The following FAM13B variants were observed in gnomAD, a reference collection of about 807,000 sequenced individuals.
FAM13B encodes family with sequence similarity 13 member B.
Under a neutral mutation model 117.3 loss-of-function variants are expected in FAM13B, and 60 were observed. That is an observed-to-expected ratio of 0.51 (90% confidence interval 0.42 to 0.63). The LOEUF (loss-of-function observed/expected upper bound fraction) is 0.63. FAM13B is among the 30% of genes least tolerant of loss of function. The pLI is 0.00. For missense variants in FAM13B, 972 were observed against 1,091.9 expected, an observed-to-expected ratio of 0.89 and a Z score of 1.55; for synonymous variants, 332 against 356.1, an observed-to-expected ratio of 0.93 and a Z score of 0.76.
intron 10 of FAM13B, among the ~76,000 whole-genome samples, chr5:137,979,868 A>G (rs1232466621): frequency 1.3e-5 from 2 of 152,154 alleles, no homozygotes; most frequent in Non-Finnish European, 2.9e-5. Flanking sequence ...CAAGTCATTG[A>G]AAACTTAAAT....
chr5:137,963,359 G>A (rs1178101282), intron 10 of FAM13B, among the ~76,000 whole-genome samples: 4 of 152,200 alleles, frequency 2.6e-5, no homozygotes, highest in African/African-American at 9.6e-5. Flanking sequence ...GTAAAACAAT[G>A]CCACTCCTCA....
intron 23 of FAM13B, among the ~76,000 whole-genome samples, chr5:137,941,026 C>G (rs1017931459): frequency 2.0e-5 from 3 of 152,180 alleles, no homozygotes; most frequent in Non-Finnish European, 4.4e-5. Context: ...CTGCCTCAGC[C>G]TCTAGAGTAG....
chr5:138,002,561 C>T (rs1781520273), intron 7 of FAM13B, among the ~76,000 whole-genome samples: 1 of 152,010 alleles, frequency 6.6e-6, no homozygotes, highest in Non-Finnish European at 1.5e-5. Context: ...AACAGATATC[C>T]TTGTTTAGCA....
At chr5:137,963,694 C>G (rs562100862) in intron 10 of FAM13B, among the ~76,000 whole-genome samples, 22 of 152,216 alleles carry the variant, frequency 1.4e-4, no homozygotes, top group African/African-American at 3.9e-4. Context: ...CCAGGCCACA[C>G]AGCAGGAGGT....
chr5:137,966,373 G>A (rs1315956308), intron 10 of FAM13B, among the ~76,000 whole-genome samples: 1 of 150,158 alleles, frequency 6.7e-6, no homozygotes, highest in Non-Finnish European at 1.5e-5. Context: ...GGAGGCGGAG[G>A]TTGCAGTGAG....
intron 10 of FAM13B, among the ~76,000 whole-genome samples, chr5:137,972,784 AC>A (rs1296671439): frequency 6.6e-6 from 1 of 152,182 alleles, no homozygotes; most frequent in Non-Finnish European, 1.5e-5. Flanking sequence ...AAATCAATGT[AC>A]AAAAATCACA....
chr5:137,965,887 G>A (rs902899240), intron 10 of FAM13B, among the ~76,000 whole-genome samples: 2 of 152,102 alleles, frequency 1.3e-5, no homozygotes, highest in Admixed American at 6.6e-5. Flanking sequence ...ACCCTGAAAT[G>A]AATGGATTTT....
intron 6 of FAM13B, among the ~76,000 whole-genome samples, chr5:138,008,870 C>T (rs987515144): frequency 6.6e-6 from 1 of 152,204 alleles, no homozygotes; most frequent in East Asian, 1.9e-4. Flanking sequence ...AGGCCAGGCG[C>T]GGTGGCCCAT....
At chr5:138,043,305 G>A (rs1242554427) in intron 1 of FAM13B, among the ~76,000 whole-genome samples, 2 of 152,126 alleles carry the variant, frequency 1.3e-5, no homozygotes, top group African/African-American at 4.8e-5. Flanking sequence ...CAAAGCTGCA[G>A]TGATCCATGA....
rs1782757589 is a variant in FAM13B, at chr5:138,007,162, A to G, written c.691-15T>C. The G allele has an allele frequency of 1.9e-6, 3 of 1,546,298 alleles. No individual in the cohort carries two copies. The South Asian group carries it at 3.6e-5, about 19-fold the overall frequency. Reference sequence around the variant, plus strand: ...AGTTCATTAACCTATATAAATAAAAAGAAATTCAGAATTAAAATGTAATGA... The same window carrying G: ...AGTTCATTAACCTATATAAATAAAAGGAAATTCAGAATTAAAATGTAATGA... On this transcript the variant is annotated splice_polypyrimidine_tract_variant and intron_variant, in intron 6 of 23. Coordinates refer to ENST00000689681, the MANE Select transcript of FAM13B (RefSeq NM_001385994.1).
At chr5:138,002,832 A>AT (rs377234068) in intron 7 of FAM13B, among the ~76,000 whole-genome samples, 248 of 138,974 alleles carry the variant, frequency 1.8e-3, no homozygotes, top group African/African-American at 3.7e-3. Flanking sequence ...CACCCGGCTA[A>AT]TTTTTTTTTT....
At chr5:137,983,469 GC>G (rs1054014516) in intron 10 of FAM13B, among the ~76,000 whole-genome samples, 16 of 152,166 alleles carry the variant, frequency 1.1e-4, no homozygotes, top group Non-Finnish European at 1.5e-5. Context: ...ATAAAGGGAA[GC>G]AGAGAAATCA....
At chr5:137,990,954 A>C (rs944250762) in intron 7 of FAM13B, among the ~76,000 whole-genome samples, 6 of 152,312 alleles carry the variant, frequency 3.9e-5, no homozygotes, top group Non-Finnish European at 7.4e-5. Flanking sequence ...CATTTCAAAG[A>C]GCTCTAAAAA....
chr5:137,994,997 T>C (rs1239194534), intron 7 of FAM13B, among the ~76,000 whole-genome samples: 1 of 152,250 alleles, frequency 6.6e-6, no homozygotes, highest in Non-Finnish European at 1.5e-5. Context: ...CAACTGACTC[T>C]GGTAAAGATC....
chr5:137,958,040 C>A (rs549538351), intron 13 of FAM13B, among the ~76,000 whole-genome samples: 1 of 152,354 alleles, frequency 6.6e-6, no homozygotes, highest in Admixed American at 6.5e-5. Flanking sequence ...TATTTATCTG[C>A]ATCTTCTAAT....
chr5:138,032,701 T>TG (rs979006176), intron 1 of FAM13B, 81 bp downstream of exon 1: 48 of 984,552 alleles, frequency 4.9e-5, no homozygotes, highest in Admixed American at 3.1e-4. Context: ...CAGGCGGCGC[T>TG]GGGGGGCAAC....
intron 1 of FAM13B, among the ~76,000 whole-genome samples, chr5:138,025,113 A>T (rs1483446657): frequency 2.0e-5 from 3 of 151,680 alleles, no homozygotes; most frequent in African/African-American, 7.3e-5. Flanking sequence ...ACCTCAGGTG[A>T]TCTGCACACC....
Position 138,018,377 on chromosome 5 carries a change from TAAG to T in FAM13B, c.292_294del (p.Leu98del). ...TCAGGAAGTTCTTGAAGAAAAAATC[TAAG>T]AAGGCTAATAGCTGAGGGAACATCT... On this transcript the variant is annotated inframe_deletion, in exon 4 of 24. Transcript: ENST00000689681. 6.2e-7 allele frequency: 1 copy of T among 1,614,176 alleles called. No homozygotes were observed. The highest frequency in any genetic ancestry group is 8.5e-7 in the Non-Finnish European group (1 of 1,180,022).
chr5:137,954,140 C>G (rs192543577), intron 15 of FAM13B, 26 bp downstream of exon 15: 25 of 1,573,174 alleles, frequency 1.6e-5, no homozygotes, highest in Admixed American at 3.4e-5. Context: ...GGAATTGCCT[C>G]TTGTAAGTAC....
Sources: allele counts gnomAD v4.1 joint callset (sites outside exome capture counted in the v4.1 genomes callset), GRCh38; gene constraint gnomAD v4.1.1; transcripts MANE v1.5; gene names NCBI Gene and HGNC (gene_info 2026-07-23, HGNC 2026-07-21).